The following GABRA1 variants were observed in gnomAD, a reference collection of about 807,000 sequenced individuals.
GABRA1 encodes the protein gamma-aminobutyric acid type A receptor subunit alpha1.
GABRA1 carries 9 observed loss-of-function variants against 48.9 expected under a neutral mutation model. That is an observed-to-expected ratio of 0.18 (90% confidence interval 0.11 to 0.32). The LOEUF is 0.32. Among genes scored for constraint, GABRA1 ranks in the 10% least tolerant of loss-of-function variants. GABRA1 has a pLI of 1.00. For missense variants in GABRA1, 285 were observed against 553.8 expected, an observed-to-expected ratio of 0.51 and a Z score of 4.87; for synonymous variants, 210 against 198.7, an observed-to-expected ratio of 1.06 and a Z score of -0.48.
rs548793824 is a variant in GABRA1 at position 161,890,387 on chromosome 5, G to C, written c.704-511G>C. On this transcript the variant is annotated intron_variant, in intron 7 of 9. Coordinates refer to ENST00000393943, the MANE Select transcript of GABRA1 (RefSeq NM_001127644.2). ...CCACTCTCCTTATTTTGTAGATCAGGCCATGCTAAATTACTCTTCTGATGT... is the reference window on the plus strand; with the variant it reads ...CCACTCTCCTTATTTTGTAGATCAGCCCATGCTAAATTACTCTTCTGATGT... Among the ~76,000 whole-genome samples, 13 of 152,164 alleles carry C rather than the reference G, an allele frequency of 8.5e-5. No individual in the cohort carries two copies. The South Asian group carries it at 1.2e-3, about 15-fold the overall frequency.
At chr5:161,855,489 A>G (rs941265333) in intron 3 of GABRA1, among the ~76,000 whole-genome samples, 5 of 151,456 alleles carry the variant, frequency 3.3e-5, no homozygotes, top group Non-Finnish European at 7.4e-5. Flanking sequence ...CATACTATAC[A>G]AATTTCCCCA....
intron 3 of GABRA1, among the ~76,000 whole-genome samples, chr5:161,855,932 C>G (rs1757627880): frequency 6.6e-6 from 1 of 151,232 alleles, no homozygotes; most frequent in Non-Finnish European, 1.5e-5. Flanking sequence ...TATTATTTGA[C>G]AGATTTGTGC....
intron 8 of GABRA1, among the ~76,000 whole-genome samples, chr5:161,894,404 T>A (rs1043952883): frequency 6.6e-6 from 1 of 152,176 alleles, no homozygotes; most frequent in African/African-American, 2.4e-5. Context: ...TTGCATTTAA[T>A]CCTCATGATA....
chr5:161,869,689 A>C (rs1270898930), intron 4 of GABRA1, among the ~76,000 whole-genome samples: 1 of 152,174 alleles, frequency 6.6e-6, no homozygotes, highest in Non-Finnish European at 1.5e-5. Context: ...AACATAGCGG[A>C]TGTTTTGTCC....
chr5:161,871,826 T>A (rs1754134179), intron 4 of GABRA1, among the ~76,000 whole-genome samples: 1 of 152,180 alleles, frequency 6.6e-6, no homozygotes, highest in African/African-American at 2.4e-5. Flanking sequence ...TCTATCTCAG[T>A]AAGCAATTAG....
chr5:161,890,689 C>T (rs948366448), intron 7 of GABRA1, among the ~76,000 whole-genome samples: 1 of 152,074 alleles, frequency 6.6e-6, no homozygotes, highest in South Asian at 2.1e-4. Context: ...AAGACTCTGG[C>T]ACCTCAGTCT....
At chr5:161,883,373 C>T (rs191763162) in intron 7 of GABRA1, among the ~76,000 whole-genome samples, 4 of 152,274 alleles carry the variant, frequency 2.6e-5, no homozygotes, top group Admixed American at 2.6e-4. Context: ...TAATTCTATA[C>T]TCAGAACTAG....
At chr5:161,864,285 G>T (rs953066167) in intron 3 of GABRA1, among the ~76,000 whole-genome samples, 1 of 151,898 alleles carries the variant, frequency 6.6e-6, no homozygotes, top group Non-Finnish European at 1.5e-5. Context: ...CATGTGCCAC[G>T]CTGGTGCGCT....
intron 8 of GABRA1, among the ~76,000 whole-genome samples, chr5:161,891,450 A>T (rs1270194699): frequency 6.6e-6 from 1 of 152,194 alleles, no homozygotes; most frequent in African/African-American, 2.4e-5. Flanking sequence ...TACATTTATA[A>T]AAAGCAGAGC....
At chr5:161,860,656 A>G (rs1415555172) in intron 3 of GABRA1, among the ~76,000 whole-genome samples, 2 of 151,936 alleles carry the variant, frequency 1.3e-5, no homozygotes, top group Non-Finnish European at 2.9e-5. Flanking sequence ...TGTTTTTAAC[A>G]TGAAGAATAA....
At chr5:161,888,158 G>T (rs1304995429) in intron 7 of GABRA1, among the ~76,000 whole-genome samples, 1 of 152,136 alleles carries the variant, frequency 6.6e-6, no homozygotes, top group Non-Finnish European at 1.5e-5. Flanking sequence ...AATTCCCCTA[G>T]ACTGTTGAAG....
Position 161,897,132 on chromosome 5 carries a change from CTTA to C in GABRA1, c.1085_1087del (p.Ile362del). 3 of 1,614,052 alleles carry C rather than the reference CTTA, an allele frequency of 1.9e-6. No homozygotes were observed. Among genetic ancestry groups the C allele is most frequent in the Non-Finnish European group, 1.7e-6 (2 of 1,179,982 alleles). ...ACAGCCAAAGAAAGTAAAGGATCCT[CTTA>C]TTAAGAAAAACAACACTTACGCTCC... On this transcript the variant is annotated inframe_deletion, in exon 10 of 10. Transcript: ENST00000393943.
At chr5:161,874,219 CT>C (rs1197709195) in intron 5 of GABRA1, among the ~76,000 whole-genome samples, 1 of 152,054 alleles carries the variant, frequency 6.6e-6, no homozygotes, top group Admixed American at 6.6e-5. Flanking sequence ...AATATTTTGC[CT>C]TTGGAGAAAG....
chr5:161,897,402 G>A lies in GABRA1; in HGVS notation c.1351G>A (p.Ala451Thr), dbSNP rs1312439667. The A allele has an allele frequency of 6.2e-7, 1 of 1,613,994 alleles. No homozygotes were observed. Among genetic ancestry groups the A allele is most frequent in the Non-Finnish European group, 8.5e-7 (1 of 1,179,908 alleles). ...TTTAAACAGAGAGCCTCAGCTAAAA[G>A]CCCCCACACCACATCAATAGATCTT... ...TYLNREPQLK[A>T]PTPHQ The change falls in exon 10 of 10, where the codon GCC becomes ACC. Residue 451 changes from alanine (A) to threonine (T), a missense_variant. This residue lies in a region of GABRA1 where 16 missense variants were observed against 16.5 expected (regional missense o/e 0.97). Coordinates refer to ENST00000393943, the MANE Select transcript of GABRA1 (RefSeq NM_001127644.2).
intron 8 of GABRA1, among the ~76,000 whole-genome samples, chr5:161,893,725 C>A (rs1755229899): frequency 1.3e-5 from 2 of 152,166 alleles, no homozygotes; most frequent in Non-Finnish European, 2.9e-5. Flanking sequence ...AGCTGCATGG[C>A]ATTGGCAAAT....
intron 4 of GABRA1, among the ~76,000 whole-genome samples, chr5:161,866,927 T>G (rs1753888386): frequency 6.6e-6 from 1 of 152,130 alleles, no homozygotes; most frequent in Non-Finnish European, 1.5e-5. Flanking sequence ...TGAACCAGAT[T>G]GCCTGGTTTA....
chr5:161,870,454 C>G (rs1014560532), intron 4 of GABRA1, among the ~76,000 whole-genome samples: 1 of 151,218 alleles, frequency 6.6e-6, no homozygotes, highest in East Asian at 1.9e-4. Context: ...CCCAGCTACT[C>G]GGGAGGCTGA....
chr5:161,866,719 A>G (rs1183493355), intron 4 of GABRA1, among the ~76,000 whole-genome samples: 1 of 152,154 alleles, frequency 6.6e-6, no homozygotes, highest in East Asian at 1.9e-4. Context: ...TATTTGCCCA[A>G]GACCTTTTTT....
chr5:161,891,124 A>G (rs1755069084), intron 8 of GABRA1, 74 bp downstream of exon 8: 1 of 1,382,488 alleles, frequency 7.2e-7, no homozygotes, highest in African/African-American at 1.4e-5. Flanking sequence ...GACACTGCAA[A>G]GAGAAATAAA....
Sources: gnomAD v4.1 joint callset for allele counts (sites outside exome capture counted in the v4.1 genomes callset) on GRCh38, gnomAD v4.1.1 for gene constraint, gnomAD v4.1.1 regional missense constraint, MANE v1.5 for transcripts, NCBI Gene and HGNC (gene_info 2026-07-23, HGNC 2026-07-21) for gene names.